INTS10: variants seen among roughly 807,000 people sequenced by gnomAD.
INTS10 encodes chromosome 8 open reading frame 35.
Under a neutral mutation model 94.4 loss-of-function variants are expected in INTS10, and 44 were observed. The observed-to-expected ratio is 0.47, with a 90% confidence interval of 0.37 to 0.60. INTS10 has a LOEUF of 0.60. INTS10 is among the 20% of genes least tolerant of loss of function. The pLI is 0.00. For synonymous variants in INTS10, 341 were observed against 320.7 expected, an observed-to-expected ratio of 1.06 and a Z score of -0.68; for missense variants, 797 against 868.7, an observed-to-expected ratio of 0.92 and a Z score of 1.04.
rs765584208 is a variant in INTS10, at chr8:19,851,579, C to G, written c.1977-70C>G. On this transcript the variant is annotated intron_variant, in intron 16 of 16. Transcript: ENST00000397977. This position sits in a 1 kb window ranked among gnomAD's most constrained non-coding sequence, Gnocchi z 5.0. ...ATATGGGGCAGGCTTTATTCCTACCCAAGTAGCAGCGATCAGCGATGCTGG... is the reference window on the plus strand; with the variant it reads ...ATATGGGGCAGGCTTTATTCCTACCGAAGTAGCAGCGATCAGCGATGCTGG... The G allele has an allele frequency of 3.3e-5, 47 of 1,433,316 alleles. No individual in the cohort carries two copies. The highest frequency in any genetic ancestry group is 4.5e-5 in the Non-Finnish European group (46 of 1,021,614). The allele number at this position is 1,433,316 out of a possible 1,614,324, so 88.8% of individuals were successfully genotyped here. A position where few individuals can be genotyped will look rare whatever the true frequency, so the allele number is the denominator to read the frequency against.
At chr8:19,832,235 TTC>T in intron 11 of INTS10, 125 bp downstream of exon 11, 1 of 648,100 alleles carries the variant, frequency 1.5e-6, no homozygotes, top group Non-Finnish European at 2.8e-6. Flanking sequence ...CTGACACCTG[TTC>T]TGTTTTCAGT....
chr8:19,849,474 CAATG>C lies in INTS10; in HGVS notation c.1977-2172_1977-2169del, dbSNP rs1199697539. Among the ~76,000 whole-genome samples, 1 of 152,092 alleles carries C rather than the reference CAATG, an allele frequency of 6.6e-6. No homozygotes were observed. Among genetic ancestry groups the C allele is most frequent in the Non-Finnish European group, 1.5e-5 (1 of 68,014 alleles). ...AAAATCATTATGGATCTGGAAAAAA[CAATG>C]AAAGCTATATAAATCTGTATTCAAT... On this transcript the variant is annotated intron_variant, in intron 16 of 16. Coordinates refer to ENST00000397977, the MANE Select transcript of INTS10 (RefSeq NM_018142.4). The surrounding 1 kb of genome is among the most constrained non-coding windows in gnomAD (Gnocchi z 4.6).
In INTS10 at chr8:19,851,492, G is replaced by A. The variant is rs534232354; in HGVS notation, c.1977-157G>A. On this transcript the variant is annotated intron_variant, in intron 16 of 16. Transcript: ENST00000397977. The surrounding 1 kb of genome is among the most constrained non-coding windows in gnomAD (Gnocchi z 5.0). The stretch of plus-strand genomic sequence containing the variant: ...AGTCTTTCTGAAGAGAAATGGGCTG[G>A]AATGTTTGGTTGGTTGCAGCTATTC... Among the ~76,000 whole-genome samples the A allele has an allele frequency of 6.6e-6, 1 of 152,324 alleles. No homozygotes were observed. The highest frequency in any genetic ancestry group is 2.1e-4 in the South Asian group (1 of 4,824).
intron 10 of INTS10, among the ~76,000 whole-genome samples, chr8:19,831,353 C>A (rs566853625): frequency 6.6e-6 from 1 of 152,200 alleles, no homozygotes; most frequent in African/African-American, 2.4e-5. Flanking sequence ...ATGAATAAAA[C>A]CTTTTAGTGT....
chr8:19,840,250 A>C (rs2068025916), intron 13 of INTS10, among the ~76,000 whole-genome samples: 1 of 152,204 alleles, frequency 6.6e-6, no homozygotes, highest in Non-Finnish European at 1.5e-5. Flanking sequence ...CTCCACTTTG[A>C]ATATCAGAAA....
chr8:19,837,914 A>C (rs926538861), intron 13 of INTS10, among the ~76,000 whole-genome samples: 2 of 152,196 alleles, frequency 1.3e-5, no homozygotes, highest in Admixed American at 6.5e-5. Flanking sequence ...TGAAAAAGGG[A>C]GTGTCACTAC....
At chr8:19,830,808 G>C (rs1003540297) in intron 10 of INTS10, among the ~76,000 whole-genome samples, 2 of 152,166 alleles carry the variant, frequency 1.3e-5, no homozygotes, top group Admixed American at 6.5e-5. Flanking sequence ...TCGTAGCTGG[G>C]ACTACAGGCA....
intron 3 of INTS10, among the ~76,000 whole-genome samples, chr8:19,819,996 C>G (rs935477499): frequency 6.6e-6 from 1 of 152,182 alleles, no homozygotes; most frequent in Non-Finnish European, 1.5e-5. Flanking sequence ...TAGAAGCTTT[C>G]TCTTTAAACT....
intron 13 of INTS10, among the ~76,000 whole-genome samples, chr8:19,840,013 A>G (rs966732718): frequency 6.9e-6 from 1 of 144,252 alleles, no homozygotes; most frequent in African/African-American, 2.6e-5. Flanking sequence ...CATTGAGCCA[A>G]GATTGCACCA....
At chr8:19,837,883 A>C (rs148182959) in intron 13 of INTS10, among the ~76,000 whole-genome samples, 109 of 152,288 alleles carry the variant, frequency 7.2e-4, no homozygotes, top group Admixed American at 2.0e-3. Context: ...GAAGGTGAAC[A>C]TAAATTACCA....
In INTS10 at chr8:19,824,968, C is replaced by A. The variant is rs1284642058; in HGVS notation, c.1002C>A (p.Phe334Leu). 1.2e-6 allele frequency: 2 copies of A among 1,613,450 alleles called. No individual in the cohort carries two copies. Among genetic ancestry groups the A allele is most frequent in the African/African-American group, 2.7e-5 (2 of 75,008 alleles). Residue 334 changes from phenylalanine (F) to leucine (L), a missense_variant, in exon 8 of 17, where the codon TTC (phenylalanine) becomes TTA (leucine). Physicochemically the swap from Phe to Leu is conservative, Grantham distance 22. This residue lies in a region of INTS10 where 734 missense variants were observed against 787.8 expected (regional missense o/e 0.93). Transcript: ENST00000397977. The stretch of plus-strand genomic sequence containing the variant: ...TCAACAGCATACAGCCATCTCTCTT[C>A]CAAGGTTGGTTTACAAATTTTAGAG... Reference protein sequence around the residue: ...QYVNSIQPSLFQGPNAPSQVP... With the variant: ...QYVNSIQPSLLQGPNAPSQVP...
chr8:19,823,490 T>C (rs770066020), intron 6 of INTS10, 49 bp downstream of exon 6: 2 of 1,311,086 alleles, frequency 1.5e-6, no homozygotes, highest in Non-Finnish European at 1.1e-6. Flanking sequence ...TTAGTAATAT[T>C]GCAAAATTCA....
intron 9 of INTS10, among the ~76,000 whole-genome samples, chr8:19,828,312 G>C (rs2066960399): frequency 7.4e-6 from 1 of 134,880 alleles, no homozygotes; most frequent in South Asian, 2.6e-4. Context: ...CTGGCCCCTG[G>C]TGGTAACCCA....
In INTS10 at chr8:19,842,842, T is replaced by C. The variant is rs1218607640; in HGVS notation, c.1640-6T>C. 1 of 1,604,642 alleles carries C rather than the reference T, an allele frequency of 6.2e-7. No homozygotes were observed. Among genetic ancestry groups the C allele is most frequent in the Admixed American group, 1.7e-5 (1 of 59,908 alleles). On this transcript the variant is annotated splice_polypyrimidine_tract_variant and splice_region_variant and intron_variant, in intron 13 of 16. Transcript: ENST00000397977. ...ACATTAACCTAACATTGTGGACTTCTGTTAGGTTCGGATCTGAAGCTCCTG... is the reference window on the plus strand; with the variant it reads ...ACATTAACCTAACATTGTGGACTTCCGTTAGGTTCGGATCTGAAGCTCCTG...
At chr8:19,840,513 A>T (rs2068047733) in intron 13 of INTS10, among the ~76,000 whole-genome samples, 1 of 152,234 alleles carries the variant, frequency 6.6e-6, no homozygotes, top group East Asian at 1.9e-4. Flanking sequence ...GACACAATTA[A>T]GTGACTTATA....
intron 10 of INTS10, 111 bp downstream of exon 10, chr8:19,830,670 A>G: frequency 1.1e-6 from 1 of 935,240 alleles, no homozygotes; most frequent in Non-Finnish European, 1.6e-6. Flanking sequence ...TAGTTCATGC[A>G]TTTTTTTTTT....
intron 12 of INTS10, 117 bp downstream of exon 12, chr8:19,833,438 T>A: frequency 2.9e-6 from 2 of 690,452 alleles, no homozygotes; most frequent in Non-Finnish European, 4.2e-6. Context: ...TCTTTCTGCC[T>A]AGATTTATTA....
At chr8:19,826,872 C>T (rs887848881) in intron 9 of INTS10, among the ~76,000 whole-genome samples, 1 of 152,098 alleles carries the variant, frequency 6.6e-6, no homozygotes, top group African/African-American at 2.4e-5. Context: ...GTATATGTTC[C>T]TTATACATGT....
Position 19,817,495 on chromosome 8 carries a change from C to T in INTS10, c.-43C>T, listed in dbSNP as rs1294785090. ...TGGCGGCTGAGAGTCCAGAGCCGGA[C>T]GTTCCGGCCGCTTCGGGCTGGCGGC... is the stretch of plus-strand genomic sequence containing the variant. On this transcript the variant is annotated 5_prime_UTR_variant, in exon 1 of 17. It adds an upstream start codon to the 5' untranslated region. Transcript: ENST00000397977. 8.8e-6 allele frequency: 14 copies of T among 1,586,982 alleles called. No individual in the cohort carries two copies. In the East Asian group the frequency reaches 2.5e-4, roughly 28 times the overall value.
Sources: gnomAD v4.1 joint callset for allele counts (sites outside exome capture counted in the v4.1 genomes callset) on GRCh38, gnomAD v4.1.1 for gene constraint, gnomAD v4.1.1 regional missense constraint, Gnocchi (gnomAD v3.1) non-coding constraint, MANE v1.5 for transcripts, NCBI Gene and HGNC (gene_info 2026-07-23, HGNC 2026-07-21) for gene names.